Variants in CTSS observed in about 807,000 individuals in gnomAD.
CTSS encodes the protein cathepsin S.
Under a neutral mutation model 39.9 loss-of-function variants are expected in CTSS, and 15 were observed. The ratio of observed to expected loss-of-function variants is 0.38; its 90% CI spans 0.25 to 0.58. The LOEUF (loss-of-function observed/expected upper bound fraction) is 0.58, where lower values mean the gene tolerates loss of function less well. Ranked by LOEUF, CTSS falls within the 20% of genes least tolerant of loss-of-function variation. CTSS has a pLI of 0.70. For synonymous variants in CTSS, 126 were observed against 138.2 expected (o/e 0.91, Z 0.62); for missense variants, 250 against 398.2 (o/e 0.63, Z 3.17).
intron 4 of CTSS, among the ~76,000 whole-genome samples, chr1:150,754,711 A>T (rs1360789318): frequency 1.3e-5 from 2 of 152,164 alleles, no homozygotes; most frequent in Non-Finnish European, 2.9e-5. Flanking sequence ...TATAGGCGTG[A>T]GTGCCTGGCC....
At chr1:150,747,243 A>G (rs1458254149) in intron 7 of CTSS, among the ~76,000 whole-genome samples, 1 of 152,160 alleles carries the variant, frequency 6.6e-6, no homozygotes, top group Non-Finnish European at 1.5e-5. Flanking sequence ...TGAAGGAGGA[A>G]CAGTATGGGG....
At chr1:150,765,303 T>C (rs1021540973) in intron 1 of CTSS, among the ~76,000 whole-genome samples, 2 of 150,752 alleles carry the variant, frequency 1.3e-5, no homozygotes, top group Non-Finnish European at 2.9e-5. Flanking sequence ...TTTTTTTTAA[T>C]GATCAGACAT....
At chr1:150,757,113 C>G (rs1443640482) in intron 3 of CTSS, among the ~76,000 whole-genome samples, 1 of 152,140 alleles carries the variant, frequency 6.6e-6, no homozygotes, top group Non-Finnish European at 1.5e-5. Flanking sequence ...TAGTTGTGAC[C>G]AACACAGGTT....
intron 2 of CTSS, among the ~76,000 whole-genome samples, chr1:150,761,598 G>T (rs1653265730): frequency 6.6e-6 from 1 of 152,116 alleles, no homozygotes; most frequent in South Asian, 2.1e-4. Context: ...GGGCGTGGTG[G>T]CACATGCCTG....
intron 7 of CTSS, among the ~76,000 whole-genome samples, chr1:150,739,828 C>G (rs1229084389): frequency 2.6e-5 from 4 of 152,184 alleles, no homozygotes; most frequent in African/African-American, 9.7e-5. Context: ...CAGAGCAAGG[C>G]CCTAACTCTC....
At chr1:150,734,483 A>T (rs1048622796) in intron 7 of CTSS, among the ~76,000 whole-genome samples, 1 of 152,048 alleles carries the variant, frequency 6.6e-6, no homozygotes, top group East Asian at 1.9e-4. Context: ...TCTACTAAAA[A>T]TACAAAAACT....
At chr1:150,758,175 G>A (rs1365867231) in intron 2 of CTSS, among the ~76,000 whole-genome samples, 195 bp from the exon 3 acceptor site, 3 of 151,604 alleles carry the variant, frequency 2.0e-5, no homozygotes, top group Admixed American at 6.6e-5. Context: ...TCAACCTTCC[G>A]AGTATCTGGG....
At position 150,757,847 on chromosome 1, in the gene CTSS, A is replaced by C; in HGVS notation, c.249+11T>G. The C allele has an allele frequency of 2.5e-6, 4 of 1,610,130 alleles. No individual in the cohort carries two copies. The highest frequency in any genetic ancestry group is 2.5e-6 in the Non-Finnish European group (3 of 1,177,354). On this transcript the variant is annotated intron_variant, in intron 3 of 7. Transcript: ENST00000368985. ...CAGACGTGAAAGTGGGATTTCTTGT[A>C]ATGTACCTACCATGTCTCCCAGGTG... is the stretch of plus-strand genomic sequence containing the variant.
intron 7 of CTSS, among the ~76,000 whole-genome samples, chr1:150,740,624 C>T (rs1278356684): frequency 7.2e-5 from 11 of 152,114 alleles, no homozygotes. Context: ...GATCTCCTGA[C>T]CTAGTGATCC....
At chr1:150,755,510 C>T (rs1012945220) in intron 3 of CTSS, among the ~76,000 whole-genome samples, 3 of 152,106 alleles carry the variant, frequency 2.0e-5, no homozygotes, top group Non-Finnish European at 4.4e-5. Flanking sequence ...GAGGCCGAGC[C>T]GGGCAAATCA....
intron 1 of CTSS, among the ~76,000 whole-genome samples, chr1:150,765,101 C>CAAA (rs34212473): frequency 7.6e-6 from 1 of 132,332 alleles, no homozygotes. Flanking sequence ...CTCTCTCTCT[C>CAAA]AAAAAAAAAA....
At chr1:150,748,262 C>G (rs1031610430) in intron 6 of CTSS, 2 of 156,044 alleles carry the variant, frequency 1.3e-5, no homozygotes, top group East Asian at 3.8e-4. Flanking sequence ...CTCACTCCAG[C>G]CTGGCAACAG....
intron 7 of CTSS, among the ~76,000 whole-genome samples, chr1:150,738,470 A>G (rs1050015335): frequency 4.0e-5 from 6 of 150,926 alleles, no homozygotes; most frequent in African/African-American, 9.7e-5. Context: ...CAAATCTGTT[A>G]TGGTGATCTG....
intron 7 of CTSS, among the ~76,000 whole-genome samples, chr1:150,744,819 T>C (rs983229054): frequency 6.6e-6 from 1 of 151,164 alleles, no homozygotes; most frequent in African/African-American, 2.4e-5. Flanking sequence ...GCCAGTCACA[T>C]TGTAGATGCC....
At chr1:150,759,238 A>G (rs2101925820) in intron 2 of CTSS, among the ~76,000 whole-genome samples, 1 of 151,792 alleles carries the variant, frequency 6.6e-6, no homozygotes, top group Non-Finnish European at 1.5e-5. Flanking sequence ...TTCTTTATTT[A>G]CCTTCGGCTG....
At chr1:150,750,262 C>T (rs1164271126) in intron 5 of CTSS, 91 bp from the exon 6 acceptor site, 12 of 1,039,468 alleles carry the variant, frequency 1.2e-5, no homozygotes, top group Non-Finnish European at 1.6e-5. Context: ...TGTCTCCCTT[C>T]CTTTCTTTAA....
Position 150,732,297 on chromosome 1 carries a change from C to A in CTSS, c.*749G>T, listed in dbSNP as rs1246875686. The stretch of plus-strand genomic sequence containing the variant: ...TTTTCTTCCATCAAAGTTGCTAAAC[C>A]CCATCACCAGAATACCACAATTAAT... On this transcript the variant is annotated 3_prime_UTR_variant, in exon 8 of 8. Coordinates refer to ENST00000368985, the MANE Select transcript of CTSS (RefSeq NM_004079.5). 6.6e-6 allele frequency: 1 copy of A among 152,088 alleles called. No homozygotes were observed. The highest frequency in any genetic ancestry group is 2.4e-5 in the African/African-American group (1 of 41,400). 9.4% of individuals were successfully genotyped at this position (152,088 alleles called of 1,614,324 possible).
intron 6 of CTSS, among the ~76,000 whole-genome samples, chr1:150,748,773 G>A (rs1295389845): frequency 6.6e-6 from 1 of 151,978 alleles, no homozygotes; most frequent in Non-Finnish European, 1.5e-5. Context: ...ACAAATTGAA[G>A]GTTTGTGGCA....
At chr1:150,743,703 ATATAT>A (rs1652827565) in intron 7 of CTSS, among the ~76,000 whole-genome samples, 1 of 65,448 alleles carries the variant, frequency 1.5e-5, no homozygotes, top group South Asian at 5.2e-4. Flanking sequence ...TGTATACATA[ATATAT>A]TATATATTAT....
Sources: allele counts gnomAD v4.1 joint callset (sites outside exome capture counted in the v4.1 genomes callset), GRCh38; gene constraint gnomAD v4.1.1; transcripts MANE v1.5; gene names NCBI Gene and HGNC (gene_info 2026-07-23, HGNC 2026-07-21).